Variants in HNRNPH3 observed in about 807,000 individuals in gnomAD.
The protein encoded by HNRNPH3 is heterogeneous nuclear ribonucleoprotein H3.
A neutral mutation model predicts 47.0 loss-of-function variants in HNRNPH3; 7 were observed. The observed-to-expected ratio is 0.15, with a 90% confidence interval of 0.08 to 0.28. HNRNPH3 has a LOEUF of 0.28. Ranked by LOEUF, HNRNPH3 falls within the 10% of genes least tolerant of loss-of-function variation. The probability of loss-of-function intolerance (pLI) is 1.00; values close to 1 mark genes in which losing one functional copy is unlikely to be tolerated. For synonymous variants in HNRNPH3, 120 were observed against 143.2 expected (o/e 0.84, Z 1.16); for missense variants, 279 against 449.6 (o/e 0.62, Z 3.43).
At chr10:68,333,158 G>C (rs562582796) in intron 1 of HNRNPH3, 1 of 151,638 alleles carries the variant, frequency 6.6e-6, no homozygotes, top group East Asian at 1.9e-4. Flanking sequence ...CGTTAATAAG[G>C]ACTTCGGGGA....
At chr10:68,339,290 T>C in intron 5 of HNRNPH3, 64 bp downstream of exon 5, 1 of 1,581,966 alleles carries the variant, frequency 6.3e-7, no homozygotes, top group Non-Finnish European at 8.6e-7. Flanking sequence ...TTGCAAGCTC[T>C]TAGTGGTAAT....
Position 68,337,008 on chromosome 10 carries a change from G to T in HNRNPH3, c.-23-191G>T, listed in dbSNP as rs16925337. 985 of 465,452 alleles carry T rather than the reference G, an allele frequency of 2.1e-3. 17 individuals are homozygous for T. In the East Asian group the frequency reaches 0.032, roughly 15 times the overall value. The allele number at this position is 465,452 out of a possible 1,614,324, so 28.8% of individuals were successfully genotyped here. On this transcript the variant is annotated intron_variant, in intron 1 of 9. Coordinates refer to ENST00000265866, the MANE Select transcript of HNRNPH3 (RefSeq NM_012207.3). This position sits in a 1 kb window ranked among gnomAD's most constrained non-coding sequence, Gnocchi z 4.5. ...AATTCAGTACTTTTCCGTAGGAGGG[G>T]GTCAGGTCTCATTGCCTTTTCCGTA... is the stretch of plus-strand genomic sequence containing the variant.
intron 1 of HNRNPH3, among the ~76,000 whole-genome samples, chr10:68,334,387 T>C (rs2045416142): frequency 6.6e-6 from 1 of 152,226 alleles, no homozygotes; most frequent in African/African-American, 2.4e-5. Flanking sequence ...TTTCATTTGT[T>C]CTTTAGTGGA....
chr10:68,340,046 C>T (rs1391044020), intron 6 of HNRNPH3, among the ~76,000 whole-genome samples: 4 of 150,542 alleles, frequency 2.7e-5, no homozygotes, highest in African/African-American at 9.8e-5. Flanking sequence ...GTTTTGTTTT[C>T]TTTTTTGAGA....
Position 68,337,244 on chromosome 10 carries a change from A to G in HNRNPH3, c.23A>G (p.Asn8Ser), listed in dbSNP as rs1195640637. The G allele has an allele frequency of 6.2e-7, 1 of 1,611,044 alleles. No individual in the cohort carries two copies. The highest frequency in any genetic ancestry group is 8.5e-7 in the Non-Finnish European group (1 of 1,177,226). Residue 8 changes from asparagine to serine, a missense_variant, in exon 2 of 10, where the codon AAT (asparagine) becomes AGT (serine). Physicochemically the swap from Asn to Ser is conservative, Grantham distance 46 (BLOSUM62 1). Coordinates refer to ENST00000265866, the MANE Select transcript of HNRNPH3 (RefSeq NM_012207.3). This position sits in a 1 kb window ranked among gnomAD's most constrained non-coding sequence, Gnocchi z 4.5. ...GAGATGGATTGGGTTATGAAACATA[A>G]TGGTCCAAATGACGCTAGTGATGGG... is the stretch of plus-strand genomic sequence containing the variant. MDWVMKH[N>S]GPNDASDGTV...
chr10:68,337,006 G>A lies in HNRNPH3; in HGVS notation c.-23-193G>A, dbSNP rs1316368095. ...GAAATTCAGTACTTTTCCGTAGGAG[G>A]GGGTCAGGTCTCATTGCCTTTTCCG... On this transcript the variant is annotated intron_variant, in intron 1 of 9. Transcript: ENST00000265866. The surrounding 1 kb of genome is among the most constrained non-coding windows in gnomAD (Gnocchi z 4.5). The A allele has an allele frequency of 6.9e-6, 3 of 435,944 alleles. No individual in the cohort carries two copies. Among genetic ancestry groups the A allele is most frequent in the African/African-American group, 2.0e-5 (1 of 49,356 alleles). 27.0% of individuals were successfully genotyped at this position (435,944 alleles called of 1,614,324 possible).
intron 1 of HNRNPH3, among the ~76,000 whole-genome samples, chr10:68,334,139 C>T (rs2045399661): frequency 6.6e-6 from 1 of 152,164 alleles, no homozygotes; most frequent in South Asian, 2.1e-4. Flanking sequence ...GAGACCTTAC[C>T]TCCTTAAGCT....
At position 68,337,323 on chromosome 10, in the gene HNRNPH3, G is replaced by C. The variant is rs750906941; in HGVS notation, c.102G>C (p.Gln34His). Residue 34 changes from glutamine (Q) to histidine (H), a missense_variant, in exon 2 of 10, where the codon CAG (glutamine) becomes CAC (histidine). Physicochemically the swap from Gln to His is conservative, Grantham distance 24. This residue lies in a region of HNRNPH3 where 40 missense variants were observed against 113.8 expected (regional missense o/e 0.35). Transcript: ENST00000265866. The surrounding 1 kb of genome is among the most constrained non-coding windows in gnomAD (Gnocchi z 4.5). ...GTTGCAGCAAAGAGGAAATAGTTCA[G>C]TTCTTTCAAGGTACCTCTAGTATTA... ...PFGCSKEEIV[Q>H]FFQGLEIVPN... 1 of 1,582,404 alleles carries C rather than the reference G, an allele frequency of 6.3e-7. No individual in the cohort carries two copies. The highest frequency in any genetic ancestry group is 8.7e-7 in the Non-Finnish European group (1 of 1,151,246).
At chr10:68,340,001 A>C (rs1288567257) in intron 6 of HNRNPH3, among the ~76,000 whole-genome samples, 2 of 151,782 alleles carry the variant, frequency 1.3e-5, no homozygotes, top group African/African-American at 2.4e-5. Context: ...TGACTATACC[A>C]TTTTGTGCTG....
At chr10:68,338,453 A>T in intron 3 of HNRNPH3, 50 bp from the exon 4 acceptor site, 1 of 1,235,850 alleles carries the variant, frequency 8.1e-7, no homozygotes, top group Non-Finnish European at 1.1e-6. Flanking sequence ...TATCTAATTT[A>T]CACTAATACA....
At chr10:68,334,643 T>C (rs1226919428) in intron 1 of HNRNPH3, among the ~76,000 whole-genome samples, 4 of 152,222 alleles carry the variant, frequency 2.6e-5, no homozygotes, top group Non-Finnish European at 5.9e-5. Flanking sequence ...ATGCAATATG[T>C]AGTCTTTTGT....
At chr10:68,340,460 T>TG (rs2045834394) in intron 6 of HNRNPH3, among the ~76,000 whole-genome samples, 1 of 152,248 alleles carries the variant, frequency 6.6e-6, no homozygotes, top group African/African-American at 2.4e-5. Flanking sequence ...GATGTGAAAC[T>TG]GGTTGGTTTC....
At chr10:68,338,781 C>T (rs1307864500) in intron 4 of HNRNPH3, 94 bp downstream of exon 4, 5 of 1,035,230 alleles carry the variant, frequency 4.8e-6, no homozygotes, top group Non-Finnish European at 5.5e-6. Context: ...AATTTCAGTA[C>T]CTATTAGGTT....
Position 68,337,539 on chromosome 10 carries a change from CAT to C in HNRNPH3, c.112+209_112+210del, listed in dbSNP as rs139534854. The C allele has an allele frequency of 0.019, 10,281 of 554,270 alleles. 130 individuals are homozygous for C. Among genetic ancestry groups the C allele is most frequent in the Non-Finnish European group, 0.025 (7,900 of 313,778 alleles). 34.3% of individuals were successfully genotyped at this position (554,270 alleles called of 1,614,324 possible). ...GTAAAACCTAGTTAATGTGCAGTAA[CAT>C]ATTTGAGAATTGTGATGAAATGAAC... On this transcript the variant is annotated intron_variant, in intron 2 of 9. Coordinates refer to ENST00000265866, the MANE Select transcript of HNRNPH3 (RefSeq NM_012207.3). The surrounding 1 kb of genome is among the most constrained non-coding windows in gnomAD (Gnocchi z 4.5).
At chr10:68,335,782 A>G (rs928131347) in intron 1 of HNRNPH3, among the ~76,000 whole-genome samples, 3 of 152,210 alleles carry the variant, frequency 2.0e-5, no homozygotes, top group Non-Finnish European at 4.4e-5. Context: ...ATAGTTTACA[A>G]TTGAAGAGGC....
intron 7 of HNRNPH3, 22 bp downstream of exon 7, chr10:68,341,331 C>T (rs2134776088): frequency 6.3e-7 from 1 of 1,587,458 alleles, no homozygotes; most frequent in South Asian, 1.2e-5. Flanking sequence ...CTTTGGCACA[C>T]AATCTTATTT....
chr10:68,338,820 C>T, intron 4 of HNRNPH3, 133 bp downstream of exon 4: 1 of 673,168 alleles, frequency 1.5e-6, no homozygotes, highest in Non-Finnish European at 2.3e-6. Flanking sequence ...AATACGGATT[C>T]CCATGGCTAG....
chr10:68,338,950 GAACTTAATT>G (rs1171098160), intron 4 of HNRNPH3, 181 bp from the exon 5 acceptor site: 8 of 538,282 alleles, frequency 1.5e-5, no homozygotes, highest in Non-Finnish European at 2.2e-5. Context: ...TTACATGTCT[GAACTTAATT>G]AACTTTCTGA....
At chr10:68,340,694 G>C (rs1222759168) in intron 6 of HNRNPH3, among the ~76,000 whole-genome samples, 3 of 152,186 alleles carry the variant, frequency 2.0e-5, no homozygotes, top group African/African-American at 2.4e-5. Flanking sequence ...CTTGTGATTA[G>C]AACCAAATGA....
Sources: gnomAD v4.1 joint callset for allele counts (sites outside exome capture counted in the v4.1 genomes callset) on GRCh38, gnomAD v4.1.1 for gene constraint, gnomAD v4.1.1 regional missense constraint, Gnocchi (gnomAD v3.1) non-coding constraint, MANE v1.5 for transcripts, NCBI Gene and HGNC (gene_info 2026-07-23, HGNC 2026-07-21) for gene names.